The following MYLK variants were observed in gnomAD, a reference collection of about 807,000 sequenced individuals.
The protein encoded by MYLK is myosin light chain kinase.
Under a neutral mutation model 203.4 loss-of-function variants are expected in MYLK, and 106 were observed. The ratio of observed to expected loss-of-function variants is 0.52; its 90% confidence interval spans 0.45 to 0.61. The LOEUF is 0.61. Ranked by LOEUF, MYLK falls within the 20% of genes least tolerant of loss-of-function variation. MYLK has a pLI of 0.00. For synonymous variants in MYLK, 867 were observed against 959.5 expected (o/e 0.90, Z 1.78); for missense variants, 2,072 against 2,442.3 (o/e 0.85, Z 3.20).
intron 4 of MYLK, among the ~76,000 whole-genome samples, chr3:123,759,350 A>G (rs1037002427): frequency 1.3e-5 from 2 of 152,176 alleles, no homozygotes; most frequent in African/African-American, 4.8e-5. Flanking sequence ...CTTCAGCTGG[A>G]GGAGCAAGCC....
At chr3:123,832,515 G>C (rs1383270893) in intron 2 of MYLK, among the ~76,000 whole-genome samples, 3 of 152,174 alleles carry the variant, frequency 2.0e-5, no homozygotes, top group Non-Finnish European at 4.4e-5. Context: ...TGCTGTTTTT[G>C]AATGTTTTCT....
intron 2 of MYLK, among the ~76,000 whole-genome samples, chr3:123,867,289 A>G (rs749286410): frequency 1.4e-4 from 21 of 151,928 alleles, no homozygotes; most frequent in Non-Finnish European, 2.8e-4. Context: ...TCCCCCCAAA[A>G]ATCTTATTGA....
At chr3:123,738,524 C>T (rs1328402330) in intron 7 of MYLK, among the ~76,000 whole-genome samples, 1 of 152,170 alleles carries the variant, frequency 6.6e-6, no homozygotes, top group Non-Finnish European at 1.5e-5. Context: ...GCTGTGTCCC[C>T]ACCCAAATCT....
chr3:123,652,409 G>A (rs1047081415), intron 24 of MYLK, among the ~76,000 whole-genome samples: 5 of 152,222 alleles, frequency 3.3e-5, no homozygotes, highest in Non-Finnish European at 7.3e-5. Context: ...CGTTACCCTG[G>A]AGTGTTTGGG....
chr3:123,671,101 T>A (rs936349498), intron 20 of MYLK, among the ~76,000 whole-genome samples: 4 of 152,226 alleles, frequency 2.6e-5, no homozygotes, highest in Admixed American at 2.6e-4. Context: ...CAGAGGAAAG[T>A]TAAAATAATT....
chr3:123,770,292 C>T (rs2063836543), intron 4 of MYLK, among the ~76,000 whole-genome samples: 1 of 152,124 alleles, frequency 6.6e-6, no homozygotes, highest in Non-Finnish European at 1.5e-5. Context: ...CCATTATATT[C>T]CAGCCTGGGC....
intron 1 of MYLK, among the ~76,000 whole-genome samples, chr3:123,882,658 G>T (rs192018867): frequency 1.6e-3 from 246 of 152,246 alleles, no homozygotes; most frequent in South Asian, 4.6e-3. Context: ...AAGCTCTTGT[G>T]CATGTCCCCA....
Position 123,640,444 on chromosome 3 carries a change from A to G in MYLK, c.4680T>C (p.Arg1560=), listed in dbSNP as rs1204886750. 6.2e-7 allele frequency: 1 copy of G among 1,613,858 alleles called. No individual in the cohort carries two copies. ...TCTGCCGCATGTACTTGATGCACTC[A>G]CGCTCCGTCAGCTCAAAGTCCTCGT... is the stretch of plus-strand genomic sequence containing the variant. ...IIDEDFELTE[R]ECIKYMRQIS... Residue 1560 remains arginine, a synonymous_variant, in exon 28 of 34, where the codon CGT becomes CGC. Transcript: ENST00000360304. This position sits in a 1 kb window ranked among gnomAD's most constrained non-coding sequence, Gnocchi z 4.3.
At chr3:123,695,368 G>C (rs997908656) in intron 18 of MYLK, among the ~76,000 whole-genome samples, 16 of 152,250 alleles carry the variant, frequency 1.1e-4, no homozygotes, top group African/African-American at 3.1e-4. Context: ...CCAGCTCTCA[G>C]AGGGCAGTGA....
Position 123,737,484 on chromosome 3 carries a change from C to G in MYLK, c.648G>C (p.Gln216His), listed in dbSNP as rs753350784. 2 of 1,614,088 alleles carry G rather than the reference C, an allele frequency of 1.2e-6. No individual in the cohort carries two copies. Among genetic ancestry groups the G allele is most frequent in the African/African-American group, 1.3e-5 (1 of 74,926 alleles). Residue 216 changes from glutamine (Q) to histidine (H), a missense_variant, in exon 8 of 34, where the codon CAG becomes CAC. By Grantham distance (24) the Gln-to-His change is conservative. Transcript: ENST00000360304. The part of the protein sequence containing the change: ...RVSVSEKNGM[Q>H]VLEIHGVNQD... ...GGTTGACTCCATGGATTTCCAGAAC[C>G]TGCATGCCGTTCTTCTCAGACACAG...
chr3:123,639,571 G>A (rs1260875321), intron 28 of MYLK, among the ~76,000 whole-genome samples: 1 of 152,160 alleles, frequency 6.6e-6, no homozygotes, highest in African/African-American at 2.4e-5. Context: ...CTGGATGCAG[G>A]CAGAATGTGA....
chr3:123,874,569 C>A (rs1029016359), intron 2 of MYLK, among the ~76,000 whole-genome samples: 1 of 152,066 alleles, frequency 6.6e-6, no homozygotes, highest in African/African-American at 2.4e-5. Flanking sequence ...AATGACTCCA[C>A]ATTAGGTTAG....
rs527578501 is a variant in MYLK, at chr3:123,816,273, C to A, written c.-4+15275G>T. Among the ~76,000 whole-genome samples, 5 of 152,344 alleles carry A rather than the reference C, an allele frequency of 3.3e-5. No individual in the cohort carries two copies. In the South Asian group the frequency reaches 1.0e-3, roughly 32 times the overall value. On this transcript the variant is annotated intron_variant, in intron 3 of 33. Coordinates refer to ENST00000360304, the MANE Select transcript of MYLK (RefSeq NM_053025.4). ...CTCTGGCACCACACTGCCTGGCTTC[C>A]AGCCCCAGCTCTGCTGCAAGACCTT...
At chr3:123,830,647 G>A (rs1284924239) in intron 3 of MYLK, among the ~76,000 whole-genome samples, 1 of 152,058 alleles carries the variant, frequency 6.6e-6, no homozygotes, top group Non-Finnish European at 1.5e-5. Context: ...TTGTTTCACT[G>A]GTATTGGTTT....
intron 2 of MYLK, among the ~76,000 whole-genome samples, chr3:123,856,399 C>G (rs2031377197): frequency 1.3e-5 from 2 of 152,316 alleles, no homozygotes; most frequent in South Asian, 4.1e-4. Context: ...CACCTAACAA[C>G]AGGGGTTATT....
intron 33 of MYLK, 83 bp downstream of exon 33, chr3:123,618,556 C>T: frequency 1.3e-6 from 2 of 1,590,674 alleles, no homozygotes; most frequent in Admixed American, 1.7e-5. Flanking sequence ...ACAGAACTGA[C>T]TTCTTGCCCA....
intron 13 of MYLK, 29 bp from the exon 14 acceptor site, chr3:123,709,922 G>T (rs376924848): frequency 5.6e-6 from 9 of 1,612,896 alleles, no homozygotes; most frequent in Non-Finnish European, 7.6e-6. Context: ...AACGTGGGGT[G>T]AACATTCATG....
chr3:123,818,851 T>G (rs1560257261), intron 3 of MYLK, among the ~76,000 whole-genome samples: 1 of 152,238 alleles, frequency 6.6e-6, no homozygotes, highest in Non-Finnish European at 1.5e-5. Context: ...CTCTTAGAAC[T>G]GTGCTTGGCA....
At chr3:123,865,326 C>T (rs113354130) in intron 2 of MYLK, among the ~76,000 whole-genome samples, 19 of 152,340 alleles carry the variant, frequency 1.2e-4, no homozygotes, top group African/African-American at 4.6e-4. Context: ...CAACTTCTAT[C>T]TCCATACTCA....
Sources: allele counts gnomAD v4.1 joint callset (sites outside exome capture counted in the v4.1 genomes callset), GRCh38; gene constraint gnomAD v4.1.1; non-coding constraint Gnocchi (gnomAD v3.1); transcripts MANE v1.5; gene names NCBI Gene and HGNC (gene_info 2026-07-23, HGNC 2026-07-21).